The following STPG2 variants were observed in gnomAD, a reference collection of about 807,000 sequenced individuals.
The protein encoded by STPG2 is sperm-tail PG-rich repeat-containing protein 2.
STPG2 carries 56 observed loss-of-function variants against 54.2 expected under a neutral mutation model. That is an observed-to-expected ratio of 1.03 (90% confidence interval 0.83 to 1.29). The LOEUF is 1.29. Ranked by LOEUF, STPG2 falls within the 50% of genes most tolerant of loss-of-function variation. The pLI is 0.00. For missense variants in STPG2, 596 were observed against 544.9 expected (o/e 1.09, Z -0.93); for synonymous variants, 200 against 181.8 (o/e 1.10, Z -0.81).
chr4:97,981,848 T>TATATAA (rs1734689856), intron 5 of STPG2, among the ~76,000 whole-genome samples: 1 of 147,898 alleles, frequency 6.8e-6, no homozygotes, highest in Non-Finnish European at 1.5e-5. Flanking sequence ...TATATATATA[T>TATATAA]ATATATAACT....
chr4:97,616,057 A>AATATATAT (rs70953077), intron 10 of STPG2, among the ~76,000 whole-genome samples: 786 of 37,276 alleles, frequency 0.021, 26 homozygotes, highest in Middle Eastern at 0.038. Flanking sequence ...AATACATATA[A>AATATATAT]ATATATATAT....
intron 10 of STPG2, among the ~76,000 whole-genome samples, chr4:97,591,154 TA>T (rs1400440969): frequency 2.6e-5 from 4 of 152,140 alleles, no homozygotes; most frequent in Admixed American, 2.6e-4. Context: ...GATAAGCATG[TA>T]ACTAACAAAT....
chr4:97,905,458 G>A (rs1173999856), intron 8 of STPG2, among the ~76,000 whole-genome samples: 2 of 151,938 alleles, frequency 1.3e-5, no homozygotes, highest in Non-Finnish European at 2.9e-5. Flanking sequence ...TGAAGGAAGT[G>A]CCAAACATGG....
chr4:97,579,998 A>G (rs1044889767), intron 10 of STPG2, among the ~76,000 whole-genome samples: 1 of 151,988 alleles, frequency 6.6e-6, no homozygotes, highest in African/African-American at 2.4e-5. Context: ...ATAATGAAAG[A>G]AAGCTTGGAT....
At chr4:97,967,330 A>G (rs544665445) in intron 7 of STPG2, among the ~76,000 whole-genome samples, 1 of 152,292 alleles carries the variant, frequency 6.6e-6, no homozygotes, top group Admixed American at 6.5e-5. Flanking sequence ...CTAAATATAT[A>G]TGCACCCAAT....
chr4:97,490,484 T>C (rs1460903037), intron 4 of STPG2, among the ~76,000 whole-genome samples: 7 of 151,588 alleles, frequency 4.6e-5, no homozygotes, highest in Admixed American at 6.6e-5. Context: ...CCAAAAATGA[T>C]AGCCATTCTC....
At chr4:97,867,045 A>G (rs1212532292) in intron 8 of STPG2, among the ~76,000 whole-genome samples, 1 of 152,008 alleles carries the variant, frequency 6.6e-6, no homozygotes, top group African/African-American at 2.4e-5. Context: ...TTCCCATGCT[A>G]GCCCAGATCT....
At chr4:97,453,493 C>T (rs923145299) in intron 4 of STPG2, among the ~76,000 whole-genome samples, 21 of 152,170 alleles carry the variant, frequency 1.4e-4, no homozygotes, top group African/African-American at 2.9e-4. Flanking sequence ...AAGGCACCAC[C>T]GGCCAGAGGT....
intron 9 of STPG2, among the ~76,000 whole-genome samples, chr4:97,758,717 C>T (rs1725803288): frequency 6.6e-6 from 1 of 152,008 alleles, no homozygotes; most frequent in Non-Finnish European, 1.5e-5. Flanking sequence ...GTGCAGCAAA[C>T]CACCATGGCA....
At chr4:97,675,125 T>C (rs1444363318) in intron 10 of STPG2, among the ~76,000 whole-genome samples, 2 of 152,082 alleles carry the variant, frequency 1.3e-5, no homozygotes, top group Non-Finnish European at 2.9e-5. Flanking sequence ...TGCCTCAGCC[T>C]CCCGAGTAGC....
intron 9 of STPG2, among the ~76,000 whole-genome samples, chr4:97,742,680 A>G (rs1197732442): frequency 6.6e-6 from 1 of 151,428 alleles, no homozygotes; most frequent in African/African-American, 2.4e-5. Context: ...CAGAAAAGCA[A>G]ATACTGCATG....
intron 9 of STPG2, among the ~76,000 whole-genome samples, chr4:97,754,932 C>G (rs1260710581): frequency 2.0e-5 from 3 of 152,106 alleles, no homozygotes; most frequent in Non-Finnish European, 4.4e-5. Flanking sequence ...AACCATGACA[C>G]AGAAATAAAT....
chr4:97,873,935 G>T (rs1036804521), intron 8 of STPG2, among the ~76,000 whole-genome samples: 5 of 151,118 alleles, frequency 3.3e-5, no homozygotes, highest in Admixed American at 3.3e-4. Flanking sequence ...AGCTGGCCAA[G>T]AAAATTGTAT....
intron 9 of STPG2, among the ~76,000 whole-genome samples, chr4:97,837,247 A>G (rs1578608119): frequency 6.6e-6 from 1 of 151,858 alleles, no homozygotes; most frequent in East Asian, 1.9e-4. Context: ...GCAGAATTCT[A>G]GGGTCAAATG....
intron 5 of STPG2, among the ~76,000 whole-genome samples, chr4:98,020,859 G>T (rs1402171282): frequency 6.6e-6 from 1 of 152,052 alleles, no homozygotes; most frequent in Non-Finnish European, 1.5e-5. Context: ...GGGATTGGTG[G>T]TGATATCCCC....
intron 9 of STPG2, among the ~76,000 whole-genome samples, chr4:97,788,418 T>A (rs547128487): frequency 1.3e-5 from 2 of 152,244 alleles, no homozygotes; most frequent in African/African-American, 4.8e-5. Flanking sequence ...TTCTTTTTCA[T>A]GGCTGAGTAG....
intron 5 of STPG2, among the ~76,000 whole-genome samples, chr4:98,031,125 A>G (rs4323111): frequency 0.39 from 59,289 of 151,952 alleles, 11,784 homozygotes; most frequent in Middle Eastern, 0.46. Flanking sequence ...GCCAACTGAT[A>G]TTCAACAAAC....
intron 5 of STPG2, among the ~76,000 whole-genome samples, chr4:97,994,264 T>C (rs957817654): frequency 1.3e-5 from 2 of 152,182 alleles, no homozygotes; most frequent in African/African-American, 4.8e-5. Context: ...TTTCCATGTA[T>C]TTGCATGGTT....
At chr4:97,719,829 T>C (rs186998408) in intron 9 of STPG2, among the ~76,000 whole-genome samples, 1 of 152,056 alleles carries the variant, frequency 6.6e-6, no homozygotes, top group Non-Finnish European at 1.5e-5. Flanking sequence ...TAATTGTCCA[T>C]GAAAAGAAAT....
Sources: gnomAD v4.1 joint callset for allele counts (sites outside exome capture counted in the v4.1 genomes callset) on GRCh38, gnomAD v4.1.1 for gene constraint, MANE v1.5 for transcripts, NCBI Gene and HGNC (gene_info 2026-07-23, HGNC 2026-07-21) for gene names.